The following RALYL variants were observed in gnomAD, a reference collection of about 807,000 sequenced individuals.
RALYL encodes RNA-binding Raly-like protein.
In RALYL, 29 loss-of-function variants were observed where a neutral mutation model predicts 35.1. The observed-to-expected ratio is 0.83, with a 90% CI of 0.61 to 1.13. The LOEUF (loss-of-function observed/expected upper bound fraction) is 1.13. RALYL is among the 50% of genes most tolerant of loss of function. RALYL has a pLI of 0.00. For synonymous variants in RALYL, 120 were observed against 127.6 expected (o/e 0.94, Z 0.40); for missense variants, 359 against 360.4 (o/e 1.00, Z 0.03).
chr8:84,506,305 C>T (rs1228434882), intron 1 of RALYL, among the ~76,000 whole-genome samples: 1 of 152,008 alleles, frequency 6.6e-6, no homozygotes, highest in East Asian at 1.9e-4. Flanking sequence ...CATAAAGACG[C>T]ACAGCTTATA....
At chr8:84,213,505 A>G (rs966399779) in intron 1 of RALYL, among the ~76,000 whole-genome samples, 5 of 152,218 alleles carry the variant, frequency 3.3e-5, no homozygotes, top group African/African-American at 9.6e-5. Context: ...TTTTGAAAAC[A>G]TGCATCACAT....
intron 5 of RALYL, among the ~76,000 whole-genome samples, chr8:84,859,376 T>C (rs1563758815): frequency 6.6e-6 from 1 of 152,144 alleles, no homozygotes; most frequent in Non-Finnish European, 1.5e-5. Context: ...TATTTAGTTC[T>C]AGGAAGTCAG....
intron 1 of RALYL, among the ~76,000 whole-genome samples, chr8:84,299,978 G>T (rs1402657023): frequency 6.6e-6 from 1 of 151,840 alleles, no homozygotes; most frequent in African/African-American, 2.4e-5. Context: ...TCTGATTTTG[G>T]TTTGGGGTTG....
At chr8:84,907,040 G>A in intron 8 of RALYL, 5 of 864,720 alleles carry the variant, frequency 5.8e-6, no homozygotes, top group Non-Finnish European at 6.9e-6. Flanking sequence ...TTTTCACCTG[G>A]AATCTGATAA....
At chr8:84,878,393 A>C (rs1302678828) in intron 7 of RALYL, among the ~76,000 whole-genome samples, 1 of 152,164 alleles carries the variant, frequency 6.6e-6, no homozygotes, top group African/African-American at 2.4e-5. Context: ...AAAGATGCTG[A>C]TAGAGGGTCA....
chr8:84,788,706 T>A (rs556008266), intron 3 of RALYL, among the ~76,000 whole-genome samples: 1 of 152,286 alleles, frequency 6.6e-6, no homozygotes, highest in African/African-American at 2.4e-5. Context: ...GAGGCATAGT[T>A]CCTACTAGAG....
intron 1 of RALYL, among the ~76,000 whole-genome samples, chr8:84,194,145 G>A (rs573146200): frequency 1.2e-4 from 18 of 152,322 alleles, no homozygotes; most frequent in African/African-American, 3.4e-4. Context: ...AAAGCATGTG[G>A]CTAAGAAAGG....
At chr8:84,791,284 T>C (rs955720853) in intron 3 of RALYL, among the ~76,000 whole-genome samples, 1 of 152,052 alleles carries the variant, frequency 6.6e-6, no homozygotes, top group Non-Finnish European at 1.5e-5. Context: ...TAGGGGAACT[T>C]TGCTAGCAAA....
intron 4 of RALYL, among the ~76,000 whole-genome samples, chr8:84,836,946 C>T (rs1009590396): frequency 4.6e-5 from 7 of 152,176 alleles, no homozygotes; most frequent in African/African-American, 1.7e-4. Flanking sequence ...ATTGTCCATA[C>T]CTGTTCCACA....
chr8:84,839,891 A>AGCTGAGGGT (rs1832839368), intron 4 of RALYL, among the ~76,000 whole-genome samples: 1 of 152,214 alleles, frequency 6.6e-6, no homozygotes, highest in East Asian at 1.9e-4. Context: ...ACTCCAACAG[A>AGCTGAGGGT]CCTGCAGCTG....
intron 2 of RALYL, among the ~76,000 whole-genome samples, chr8:84,553,507 C>T (rs1021106596): frequency 6.6e-6 from 1 of 152,170 alleles, no homozygotes; most frequent in Non-Finnish European, 1.5e-5. Context: ...ATGGCATGTA[C>T]TGGTGCTGAG....
intron 2 of RALYL, among the ~76,000 whole-genome samples, chr8:84,772,608 C>G (rs75336581): frequency 0.04 from 6,019 of 151,914 alleles, 376 homozygotes; most frequent in African/African-American, 0.14. Context: ...AAATAATATA[C>G]TTTAGACTGT....
At chr8:84,425,371 G>T (rs1048351484) in intron 1 of RALYL, among the ~76,000 whole-genome samples, 4 of 152,140 alleles carry the variant, frequency 2.6e-5, no homozygotes, top group Non-Finnish European at 4.4e-5. Flanking sequence ...GACCCCTTGC[G>T]CTTCCCAGGT....
chr8:84,902,203 C>T (rs538828290), intron 8 of RALYL, among the ~76,000 whole-genome samples: 4 of 152,176 alleles, frequency 2.6e-5, no homozygotes, highest in East Asian at 1.9e-4. Context: ...CCTCAGCTTC[C>T]GAGGAGGCCC....
chr8:84,768,268 G>A (rs1222145745), intron 2 of RALYL, among the ~76,000 whole-genome samples: 1 of 152,140 alleles, frequency 6.6e-6, no homozygotes, highest in Admixed American at 6.5e-5. Context: ...AGCTCTTGAG[G>A]CATGAGAACC....
chr8:84,236,496 A>G (rs573169676), intron 1 of RALYL, among the ~76,000 whole-genome samples: 2 of 152,248 alleles, frequency 1.3e-5, no homozygotes, highest in Middle Eastern at 3.4e-3. Context: ...ATCTGCCCAT[A>G]TGATAGGCAC....
chr8:84,362,908 GATT>G (rs1563792443), intron 1 of RALYL, among the ~76,000 whole-genome samples: 1 of 152,138 alleles, frequency 6.6e-6, no homozygotes, highest in Non-Finnish European at 1.5e-5. Flanking sequence ...AGGGATTTAT[GATT>G]GGGATTAAAC....
At chr8:84,884,247 G>A (rs2135391457) in intron 7 of RALYL, among the ~76,000 whole-genome samples, 1 of 152,140 alleles carries the variant, frequency 6.6e-6, no homozygotes, top group Non-Finnish European at 1.5e-5. Flanking sequence ...ATGAGAAGAA[G>A]ATGAGAAAAC....
At chr8:84,241,717 G>T (rs911972190) in intron 1 of RALYL, among the ~76,000 whole-genome samples, 1 of 148,516 alleles carries the variant, frequency 6.7e-6, no homozygotes, top group African/African-American at 2.5e-5. Context: ...AGTGGAGGTT[G>T]CCATGAACCA....
Sources: gnomAD v4.1 joint callset for allele counts (sites outside exome capture counted in the v4.1 genomes callset) on GRCh38, gnomAD v4.1.1 for gene constraint, MANE v1.5 for transcripts, NCBI Gene and HGNC (gene_info 2026-07-23, HGNC 2026-07-21) for gene names.